The following CSGALNACT1 variants were observed in gnomAD, a reference collection of about 807,000 sequenced individuals.
CSGALNACT1 encodes the protein beta4GalNAcT-1.
CSGALNACT1 carries 52 observed loss-of-function variants against 51.0 expected under a neutral mutation model. The ratio of observed to expected loss-of-function variants is 1.02; its 90% confidence interval spans 0.82 to 1.29. The LOEUF is 1.29. Ranked by LOEUF, CSGALNACT1 falls within the 50% of genes most tolerant of loss-of-function variation. The pLI is 0.00. For synonymous variants in CSGALNACT1, 341 were observed against 254.4 expected (o/e 1.34, Z -3.24); for missense variants, 935 against 679.2 (o/e 1.38, Z -4.19).
At chr8:19,708,825 C>T (rs1188293295) in intron 1 of CSGALNACT1, among the ~76,000 whole-genome samples, 1 of 152,188 alleles carries the variant, frequency 6.6e-6, no homozygotes, top group African/African-American at 2.4e-5. Context: ...CAGGTGAGTG[C>T]TCCCTATTCC....
At chr8:19,464,035 C>G (rs570652080) in intron 4 of CSGALNACT1, among the ~76,000 whole-genome samples, 1 of 152,326 alleles carries the variant, frequency 6.6e-6, no homozygotes, top group African/African-American at 2.4e-5. Context: ...TTCCCCGCCC[C>G]CACTGACATG....
At position 19,418,647 on chromosome 8, in the gene CSGALNACT1, A is replaced by G. The variant is rs536632167; in HGVS notation, c.1227+9T>C. The G allele has an allele frequency of 5.0e-6, 8 of 1,588,396 alleles. No homozygotes were observed. Among genetic ancestry groups the G allele is most frequent in the Non-Finnish European group, 6.9e-6 (8 of 1,156,598 alleles). On this transcript the variant is annotated intron_variant, in intron 8 of 9. Transcript: ENST00000454498. ...GCCACACAGAGCCATCTGCAGGGTA[A>G]TTACTCACCAGCTGCTGTTCCAAGG... is the stretch of plus-strand genomic sequence containing the variant.
intron 1 of CSGALNACT1, among the ~76,000 whole-genome samples, chr8:19,668,461 A>G (rs568052672): frequency 1.3e-5 from 2 of 152,384 alleles, no homozygotes; most frequent in Non-Finnish European, 2.9e-5. Context: ...CTTAAGTAAC[A>G]TAAGAAAAAA....
At chr8:19,631,788 G>A (rs577090884) in intron 1 of CSGALNACT1, among the ~76,000 whole-genome samples, 1 of 152,318 alleles carries the variant, frequency 6.6e-6, no homozygotes, top group South Asian at 2.1e-4. Context: ...ATTTGACTGT[G>A]TTTTGCAAAG....
At chr8:19,524,481 C>A (rs2154037633) in intron 3 of CSGALNACT1, among the ~76,000 whole-genome samples, 1 of 152,154 alleles carries the variant, frequency 6.6e-6, no homozygotes, top group Middle Eastern at 3.4e-3. Context: ...AGCTTTCAAA[C>A]CCTTTACATA....
At chr8:19,486,403 A>C (rs576858005) in intron 4 of CSGALNACT1, among the ~76,000 whole-genome samples, 2 of 152,126 alleles carry the variant, frequency 1.3e-5, no homozygotes, top group Admixed American at 1.3e-4. Context: ...GGGTCTTCCC[A>C]TCTCACTGAG....
Position 19,454,450 on chromosome 8 carries a change from C to A in CSGALNACT1, c.851+3976G>T, listed in dbSNP as rs540518125. ...CTTTGGGAGGCCAAGGTGGTCAGATCACTTGACGTCAGGAGTTTGAGACCA... is the reference window on the plus strand; with the variant it reads ...CTTTGGGAGGCCAAGGTGGTCAGATAACTTGACGTCAGGAGTTTGAGACCA... On this transcript the variant is annotated intron_variant, in intron 5 of 9. Transcript: ENST00000454498. Among the ~76,000 whole-genome samples, 19 of 152,326 alleles carry A rather than the reference C, an allele frequency of 1.2e-4. No individual in the cohort carries two copies. In the South Asian group the frequency reaches 3.9e-3, roughly 32 times the overall value.
chr8:19,538,762 C>T (rs1460787624), intron 3 of CSGALNACT1, among the ~76,000 whole-genome samples: 1 of 152,034 alleles, frequency 6.6e-6, no homozygotes, highest in Non-Finnish European at 1.5e-5. Context: ...CTTCACTCTG[C>T]ACATCTGGGT....
At chr8:19,468,792 C>T (rs4922033) in intron 4 of CSGALNACT1, among the ~76,000 whole-genome samples, 47,283 of 151,866 alleles carry the variant, frequency 0.31, 7,765 homozygotes, top group Middle Eastern at 0.36. Context: ...GGAAGCTTGG[C>T]GGGCAAGCCT....
chr8:19,439,710 T>C, intron 6 of CSGALNACT1, 120 bp downstream of exon 5: 1 of 787,428 alleles, frequency 1.3e-6, no homozygotes, highest in Non-Finnish European at 2.2e-6. Context: ...CAGCAATCAA[T>C]CCATCCCAGT....
chr8:19,538,450 G>A (rs980492492), intron 3 of CSGALNACT1, among the ~76,000 whole-genome samples: 24 of 152,178 alleles, frequency 1.6e-4, no homozygotes, highest in Admixed American at 4.6e-4. Context: ...CCAAAGCAAT[G>A]ATGCAGGCAA....
chr8:19,637,811 G>A (rs941549961), intron 1 of CSGALNACT1, among the ~76,000 whole-genome samples: 2 of 150,934 alleles, frequency 1.3e-5, no homozygotes, highest in South Asian at 2.1e-4. Context: ...CTCGTTGTAC[G>A]AGAATGTTCT....
intron 1 of CSGALNACT1, among the ~76,000 whole-genome samples, chr8:19,748,189 A>T (rs534488255): frequency 6.6e-6 from 1 of 152,344 alleles, no homozygotes; most frequent in South Asian, 2.1e-4. Context: ...GGTAAATAAT[A>T]AAAGAAAAAC....
chr8:19,577,662 G>A (rs757525627), intron 3 of CSGALNACT1, among the ~76,000 whole-genome samples: 2 of 151,638 alleles, frequency 1.3e-5, no homozygotes, highest in Admixed American at 6.6e-5. Flanking sequence ...GCCAGACAAC[G>A]AAAATATAAG....
chr8:19,598,778 G>C (rs2049549616), intron 2 of CSGALNACT1, among the ~76,000 whole-genome samples: 1 of 152,188 alleles, frequency 6.6e-6, no homozygotes, highest in African/African-American at 2.4e-5. Context: ...AAACAATAAT[G>C]ACAATGCAAT....
intron 3 of CSGALNACT1, among the ~76,000 whole-genome samples, chr8:19,537,087 A>G (rs1588005586): frequency 6.6e-6 from 1 of 152,220 alleles, no homozygotes; most frequent in South Asian, 2.1e-4. Flanking sequence ...GGGAGGTCAG[A>G]CACACCTCAG....
chr8:19,475,362 G>C (rs1314873121), intron 4 of CSGALNACT1, among the ~76,000 whole-genome samples: 1 of 152,176 alleles, frequency 6.6e-6, no homozygotes, highest in African/African-American at 2.4e-5. Flanking sequence ...TTTGGGGTCT[G>C]TTTGGATCTT....
chr8:19,445,429 A>C (rs1037222965), intron 5 of CSGALNACT1, among the ~76,000 whole-genome samples: 1 of 152,218 alleles, frequency 6.6e-6, no homozygotes, highest in African/African-American at 2.4e-5. Flanking sequence ...AAATCCATTC[A>C]AAGAACTTCC....
intron 4 of CSGALNACT1, among the ~76,000 whole-genome samples, chr8:19,492,327 T>C (rs1048535867): frequency 1.3e-5 from 2 of 152,252 alleles, no homozygotes; most frequent in Non-Finnish European, 2.9e-5. Flanking sequence ...AGCATACTGC[T>C]GGGCTATGCC....
Sources: gnomAD v4.1 joint callset for allele counts (sites outside exome capture counted in the v4.1 genomes callset) on GRCh38, gnomAD v4.1.1 for gene constraint, MANE v1.5 for transcripts, NCBI Gene and HGNC (gene_info 2026-07-23, HGNC 2026-07-21) for gene names.